PRDM16: variants seen among roughly 807,000 people sequenced by gnomAD.
PRDM16 encodes the protein PR/SET domain 16.
Under a neutral mutation model 110.6 loss-of-function variants are expected in PRDM16, and 23 were observed. The observed-to-expected ratio is 0.21, with a 90% CI of 0.15 to 0.29. The LOEUF is 0.29. Among genes scored for constraint, PRDM16 ranks in the 10% least tolerant of loss-of-function variants. PRDM16 has a pLI of 1.00. For missense variants in PRDM16, 1,615 were observed against 1,794.3 expected, an observed-to-expected ratio of 0.90 and a Z score of 1.81; for synonymous variants, 799 against 781.8, an observed-to-expected ratio of 1.02 and a Z score of -0.37.
chr1:3,184,845 C>T (rs1005240283), intron 1 of PRDM16, among the ~76,000 whole-genome samples: 2 of 152,182 alleles, frequency 1.3e-5, no homozygotes, highest in Non-Finnish European at 2.9e-5. Flanking sequence ...TGGTGCATGT[C>T]GGGGGCTGGT....
chr1:3,102,065 G>A (rs1557447031), intron 1 of PRDM16, among the ~76,000 whole-genome samples: 1 of 152,220 alleles, frequency 6.6e-6, no homozygotes, highest in South Asian at 2.1e-4. Context: ...AACCAAGGAA[G>A]GCAGAGTTGG....
intron 1 of PRDM16, among the ~76,000 whole-genome samples, chr1:3,138,766 G>T (rs934029975): frequency 6.6e-6 from 1 of 152,218 alleles, no homozygotes; most frequent in Admixed American, 6.5e-5. Context: ...CATGCTCAGG[G>T]TCACGTTGGT....
chr1:3,328,730 G>A (rs549570156), intron 3 of PRDM16, among the ~76,000 whole-genome samples: 3 of 152,192 alleles, frequency 2.0e-5, no homozygotes, highest in Non-Finnish European at 4.4e-5. Context: ...ATCAGTGCCT[G>A]GTGAGGACTC....
At chr1:3,324,793 C>T (rs962582205) in intron 3 of PRDM16, among the ~76,000 whole-genome samples, 1 of 151,108 alleles carries the variant, frequency 6.6e-6, no homozygotes, top group East Asian at 2.0e-4. Flanking sequence ...TTCTCAAACT[C>T]GGCGAGTGAG....
At chr1:3,272,813 G>GC in intron 3 of PRDM16, among the ~76,000 whole-genome samples, 1 of 152,210 alleles carries the variant, frequency 6.6e-6, no homozygotes. Context: ...GCTGCCCTGT[G>GC]CCCCCACAGG....
chr1:3,128,529 T>C (rs2100677449), intron 1 of PRDM16, among the ~76,000 whole-genome samples: 1 of 152,070 alleles, frequency 6.6e-6, no homozygotes, highest in Admixed American at 6.5e-5. Flanking sequence ...GGCTCCATTT[T>C]CTCCCACAAT....
At chr1:3,294,862 C>G (rs888681290) in intron 3 of PRDM16, among the ~76,000 whole-genome samples, 1 of 152,212 alleles carries the variant, frequency 6.6e-6, no homozygotes, top group African/African-American at 2.4e-5. Flanking sequence ...ATCACACGTA[C>G]AAACCAGAAC....
At chr1:3,273,542 T>C (rs1415613656) in intron 3 of PRDM16, among the ~76,000 whole-genome samples, 1 of 152,004 alleles carries the variant, frequency 6.6e-6, no homozygotes, top group East Asian at 1.9e-4. Context: ...GGTGGGTATA[T>C]GGGGGCTGCA....
rs1201359607 is a variant in PRDM16 at position 3,201,372 on chromosome 1, G to T, written c.387+14898G>T. 6.6e-6 allele frequency among the ~76,000 whole-genome samples: 1 copy of T among 152,152 alleles called. No homozygotes were observed. Among genetic ancestry groups the T allele is most frequent in the African/African-American group, 2.4e-5 (1 of 41,432 alleles). ...ATGCAGCCTCGGCGCTCAGAGGCGG[G>T]TGTCCAGTCCCCAGAGAGGTGGCCT... On this transcript the variant is annotated intron_variant, in intron 2 of 16. Transcript: ENST00000270722. The surrounding 1 kb of genome is among the most constrained non-coding windows in gnomAD (Gnocchi z 4.1).
intron 1 of PRDM16, among the ~76,000 whole-genome samples, chr1:3,145,934 G>GCT (rs1557481942): frequency 1.3e-5 from 2 of 152,130 alleles, no homozygotes; most frequent in African/African-American, 4.8e-5. Flanking sequence ...GTCCCCCGGC[G>GCT]CCCCCCGGGT....
At chr1:3,361,251 C>T (rs1247149382) in intron 3 of PRDM16, among the ~76,000 whole-genome samples, 3 of 152,160 alleles carry the variant, frequency 2.0e-5, no homozygotes, top group African/African-American at 7.2e-5. Flanking sequence ...CTGGGACCCT[C>T]CTCAGCATGG....
chr1:3,181,084 A>ACGGTCTTACACACCCGGTCTTACACG (rs1644156093), intron 1 of PRDM16, among the ~76,000 whole-genome samples: 1 of 123,626 alleles, frequency 8.1e-6, no homozygotes, highest in Admixed American at 8.0e-5. Flanking sequence ...GGTCTTACAC[A>ACGGTCTTACACACCCGGTCTTACACG]CGGCCTTACA....
At chr1:3,099,640 C>T (rs960434605) in intron 1 of PRDM16, among the ~76,000 whole-genome samples, 5 of 152,128 alleles carry the variant, frequency 3.3e-5, no homozygotes, top group African/African-American at 7.2e-5. Flanking sequence ...CAGCACGTGC[C>T]GAGTGCAGTG....
At chr1:3,146,559 G>A (rs1031916902) in intron 1 of PRDM16, among the ~76,000 whole-genome samples, 2 of 148,808 alleles carry the variant, frequency 1.3e-5, no homozygotes, top group Non-Finnish European at 3.0e-5. Flanking sequence ...TGTGGGGTGT[G>A]TACACATGTG....
At chr1:3,090,184 C>A (rs950676117) in intron 1 of PRDM16, among the ~76,000 whole-genome samples, 1 of 152,266 alleles carries the variant, frequency 6.6e-6, no homozygotes, top group East Asian at 1.9e-4. Context: ...CCCAGATGCA[C>A]CCCGAACGCC....
At chr1:3,316,559 G>A (rs1241276510) in intron 3 of PRDM16, among the ~76,000 whole-genome samples, 1 of 152,206 alleles carries the variant, frequency 6.6e-6, no homozygotes, top group Non-Finnish European at 1.5e-5. Flanking sequence ...GTGGCACAGA[G>A]TAACCAGGAA....
At chr1:3,312,201 C>G (rs978963988) in intron 3 of PRDM16, among the ~76,000 whole-genome samples, 2 of 152,242 alleles carry the variant, frequency 1.3e-5, no homozygotes, top group Non-Finnish European at 2.9e-5. Context: ...CGGCCTGGCC[C>G]ATCTCGGGCC....
intron 3 of PRDM16, among the ~76,000 whole-genome samples, chr1:3,268,370 A>T (rs1413007229): frequency 1.3e-5 from 2 of 152,258 alleles, no homozygotes; most frequent in Admixed American, 6.5e-5. Flanking sequence ...TAATTAATGG[A>T]CTACGGGGAG....
rs893782641 is a variant in PRDM16 at position 3,416,461 on chromosome 1, A to G, written c.2692-1367A>G. On this transcript the variant is annotated intron_variant, in intron 10 of 16. Transcript: ENST00000270722. ...GCATTGCCCAGAGGCAGCGAGCCCTATATGAAGCCCCTTGATGACGCAGGT... is the reference window on the plus strand; with the variant it reads ...GCATTGCCCAGAGGCAGCGAGCCCTGTATGAAGCCCCTTGATGACGCAGGT... Among the ~76,000 whole-genome samples, 21 of 152,098 alleles carry G rather than the reference A, an allele frequency of 1.4e-4. 1 individual carries two copies. Among genetic ancestry groups the G allele is most frequent in the Admixed American group, 1.4e-3 (21 of 15,278 alleles).
Sources: allele counts gnomAD v4.1 joint callset (sites outside exome capture counted in the v4.1 genomes callset), GRCh38; gene constraint gnomAD v4.1.1; non-coding constraint Gnocchi (gnomAD v3.1); transcripts MANE v1.5; gene names NCBI Gene and HGNC (gene_info 2026-07-23, HGNC 2026-07-21).